Variants in HCRTR2 observed in about 807,000 individuals in gnomAD.
The protein encoded by HCRTR2 is orexin receptor type 2.
In HCRTR2, 22 loss-of-function variants were observed where a neutral mutation model predicts 49.0. That is an observed-to-expected ratio of 0.45 (90% CI 0.32 to 0.64). The LOEUF is 0.64. HCRTR2 is among the 30% of genes least tolerant of loss of function. HCRTR2 has a pLI of 0.04. For missense variants in HCRTR2, 491 were observed against 559.4 expected, an observed-to-expected ratio of 0.88 and a Z score of 1.23; for synonymous variants, 236 against 205.3, an observed-to-expected ratio of 1.15 and a Z score of -1.28.
At chr6:55,267,884 T>C (rs951552109) in intron 4 of HCRTR2, among the ~76,000 whole-genome samples, 10 of 151,338 alleles carry the variant, frequency 6.6e-5, no homozygotes, top group African/African-American at 2.4e-4. Flanking sequence ...GTAACTCGAG[T>C]CCATACAAAA....
chr6:55,142,363 ATT>A (rs60317937), intron 1 of HCRTR2, among the ~76,000 whole-genome samples: 43,066 of 127,794 alleles, frequency 0.34, 6,779 homozygotes, highest in Middle Eastern at 0.38. Flanking sequence ...CGCCCTGTTA[ATT>A]TTTTTTTTTT....
In HCRTR2 at chr6:55,246,554, A is replaced by G. The variant is rs190566532; in HGVS notation, c.224-2085A>G. Among the ~76,000 whole-genome samples, 340 of 152,128 alleles carry G rather than the reference A, an allele frequency of 2.2e-3. 1 individual carries two copies. Among genetic ancestry groups the G allele is most frequent in the South Asian group, 0.02 (95 of 4,832 alleles). On this transcript the variant is annotated intron_variant, in intron 1 of 6. Transcript: ENST00000370862. ...CCAAGTGAAAAAATTATATGATCCT[A>G]TCTTAAAGCCCTGTCAAATAGAGGT... is the stretch of plus-strand genomic sequence containing the variant.
intron 1 of HCRTR2, among the ~76,000 whole-genome samples, chr6:55,195,780 T>A (rs989239867): frequency 6.6e-6 from 1 of 151,796 alleles, no homozygotes; most frequent in Admixed American, 6.6e-5. Flanking sequence ...GACCATCCTG[T>A]GAATGGTGAA....
At chr6:55,270,940 G>A (rs1766961881) in intron 4 of HCRTR2, among the ~76,000 whole-genome samples, 1 of 152,060 alleles carries the variant, frequency 6.6e-6, no homozygotes, top group Non-Finnish European at 1.5e-5. Flanking sequence ...TTATGGATTG[G>A]AAGATTCAAT....
intron 1 of HCRTR2, among the ~76,000 whole-genome samples, chr6:55,129,846 A>G (rs1291044275): frequency 6.6e-6 from 1 of 151,944 alleles, no homozygotes; most frequent in African/African-American, 2.4e-5. Context: ...ATGACATTCA[A>G]ATTTCTATAG....
chr6:55,126,203 T>A (rs1173642879), intron 1 of HCRTR2, among the ~76,000 whole-genome samples: 1 of 152,060 alleles, frequency 6.6e-6, no homozygotes, highest in African/African-American at 2.4e-5. Flanking sequence ...GGTGCTCTGG[T>A]TTTTGGAATT....
chr6:55,210,805 C>A (rs9296777), intron 1 of HCRTR2, among the ~76,000 whole-genome samples: 20,008 of 152,028 alleles, frequency 0.13, 3,122 homozygotes, highest in African/African-American at 0.38. Context: ...CAACAATAAA[C>A]GATTTTGTTG....
chr6:55,233,095 CT>C (rs144244052), intron 1 of HCRTR2, among the ~76,000 whole-genome samples: 1,730 of 144,214 alleles, frequency 0.012, 24 homozygotes, highest in African/African-American at 0.035. Flanking sequence ...AATAAAGCTG[CT>C]TTTTTTTTTT....
At chr6:55,276,627 A>G (rs1486857506) in intron 4 of HCRTR2, among the ~76,000 whole-genome samples, 1 of 152,184 alleles carries the variant, frequency 6.6e-6, no homozygotes, top group Non-Finnish European at 1.5e-5. Context: ...TTGTACTTGG[A>G]GGGATTCCCT....
chr6:55,111,390 A>G (rs1302778302), intron 1 of HCRTR2, among the ~76,000 whole-genome samples: 3 of 152,096 alleles, frequency 2.0e-5, no homozygotes, highest in Non-Finnish European at 4.4e-5. Context: ...TTCTTTGAAA[A>G]GATAAAATTG....
At chr6:55,275,114 A>G (rs558290129) in intron 4 of HCRTR2, among the ~76,000 whole-genome samples, 88 of 152,262 alleles carry the variant, frequency 5.8e-4, no homozygotes, top group African/African-American at 1.7e-3. Flanking sequence ...TCTTCCTCAT[A>G]ACTTTATCCT....
intron 1 of HCRTR2, among the ~76,000 whole-genome samples, chr6:55,181,412 T>C (rs1765131945): frequency 6.6e-6 from 1 of 152,200 alleles, no homozygotes; most frequent in Admixed American, 6.5e-5. Flanking sequence ...AACTGTTCTT[T>C]CATAAACAAA....
At chr6:55,276,746 A>G (rs540511163) in intron 4 of HCRTR2, among the ~76,000 whole-genome samples, 17 of 152,326 alleles carry the variant, frequency 1.1e-4, no homozygotes, top group African/African-American at 3.8e-4. Context: ...AAAATCCTCA[A>G]TGGGTTTGTG....
chr6:55,154,829 A>G (rs1206568382), intron 1 of HCRTR2, among the ~76,000 whole-genome samples: 1 of 151,834 alleles, frequency 6.6e-6, no homozygotes, highest in Non-Finnish European at 1.5e-5. Flanking sequence ...ACAAAAACAA[A>G]CAAACACACA....
At chr6:55,167,229 G>A (rs534942646) in intron 1 of HCRTR2, among the ~76,000 whole-genome samples, 5 of 152,098 alleles carry the variant, frequency 3.3e-5, no homozygotes, top group African/African-American at 1.2e-4. Flanking sequence ...AGGTGGGATC[G>A]CTTCCACAGT....
chr6:55,261,656 G>A lies in HCRTR2; in HGVS notation c.647-2051G>A, dbSNP rs545456685. Among the ~76,000 whole-genome samples, 6 of 152,216 alleles carry A rather than the reference G, an allele frequency of 3.9e-5. No homozygotes were observed. The South Asian group carries it at 1.2e-3, about 32-fold the overall frequency. ...CATTGGAATGAATGTGGTGGAGAGG[G>A]AACACTTTTACACTGCTGGTGGGAA... is the stretch of plus-strand genomic sequence containing the variant. On this transcript the variant is annotated intron_variant, in intron 3 of 6. Transcript: ENST00000370862.
At chr6:55,173,842 A>T (rs1324112498), upstream of HCRTR2, among the ~76,000 whole-genome samples, 1 of 152,236 alleles carries the variant, frequency 6.6e-6, no homozygotes, top group Non-Finnish European at 1.5e-5. Context: ...GAAAGTGAAG[A>T]CGGAGATGTC....
At chr6:55,242,711 T>A (rs1766359423) in intron 1 of HCRTR2, among the ~76,000 whole-genome samples, 1 of 152,194 alleles carries the variant, frequency 6.6e-6, no homozygotes, top group Non-Finnish European at 1.5e-5. Context: ...GTTTTTAATC[T>A]AGTCTTAGCA....
chr6:55,284,285 C>T (rs182613943), downstream of HCRTR2, among the ~76,000 whole-genome samples: 6 of 152,152 alleles, frequency 3.9e-5, no homozygotes, highest in East Asian at 7.7e-4. Flanking sequence ...AGTTATGTGA[C>T]GTATGGGAAG....
Sources: gnomAD v4.1 joint callset for allele counts (sites outside exome capture counted in the v4.1 genomes callset) on GRCh38, gnomAD v4.1.1 for gene constraint, MANE v1.5 for transcripts, NCBI Gene and HGNC (gene_info 2026-07-23, HGNC 2026-07-21) for gene names.